Variants in ACSM3 observed in about 807,000 individuals in gnomAD.
ACSM3 encodes the protein acyl-CoA synthetase medium chain family member 3.
In ACSM3, 61 loss-of-function variants were observed where a neutral mutation model predicts 74.1. The ratio of observed to expected loss-of-function variants is 0.82; its 90% CI spans 0.67 to 1.02. The LOEUF is 1.02. Ranked by LOEUF, ACSM3 falls within the 50% of genes least tolerant of loss-of-function variation. The pLI, the probability that ACSM3 is intolerant of heterozygous loss-of-function variation, is 0.00. For synonymous variants in ACSM3, 213 were observed against 241.5 expected, an observed-to-expected ratio of 0.88 and a Z score of 1.09; for missense variants, 660 against 697.0, an observed-to-expected ratio of 0.95 and a Z score of 0.60.
chr16:20,747,334 T>C (rs2079962117), intron 1 of ACSM3, among the ~76,000 whole-genome samples: 1 of 152,218 alleles, frequency 6.6e-6, no homozygotes, highest in African/African-American at 2.4e-5. Flanking sequence ...CTGTACAGCA[T>C]GGCAAGGTCA....
At chr16:20,731,777 C>A (rs147674727) in intron 1 of ACSM3, 203 of 304,934 alleles carry the variant, frequency 6.7e-4, no homozygotes, top group African/African-American at 4.2e-3. Context: ...TGGATGTTAC[C>A]AAACTAAGAC....
intron 1 of ACSM3, chr16:20,681,067 A>G (rs1277132910): frequency 6.6e-6 from 1 of 152,228 alleles, no homozygotes; most frequent in East Asian, 1.9e-4. Flanking sequence ...GGCCTCCTGA[A>G]AGAATAATTA....
intron 1 of ACSM3, among the ~76,000 whole-genome samples, chr16:20,689,170 C>T (rs1434033098): frequency 6.6e-6 from 1 of 151,366 alleles, no homozygotes; most frequent in Non-Finnish European, 1.5e-5. Context: ...TCATTATTGG[C>T]CTTATAATGT....
rs1370077616 is a variant in ACSM3 at position 20,770,540 on chromosome 16, A to G, written c.219+287A>G. ...AATTCTAGGTTGACTTAAAAAAAAA[A>G]AAGGAGAAGAGTGAAAAGTAATTCC... On this transcript the variant is annotated intron_variant, in intron 2 of 13. Coordinates refer to ENST00000289416, the MANE Select transcript of ACSM3 (RefSeq NM_005622.4). 2.0e-5 allele frequency among the ~76,000 whole-genome samples: 3 copies of G among 152,192 alleles called. No homozygotes were observed. In the East Asian group the frequency reaches 5.8e-4, roughly 29 times the overall value.
At chr16:20,726,949 T>C (rs1274857640) in intron 1 of ACSM3, among the ~76,000 whole-genome samples, 3 of 152,314 alleles carry the variant, frequency 2.0e-5, no homozygotes, top group East Asian at 3.9e-4. Context: ...ATGTGTAAAG[T>C]AGGGGTTGAG....
intron 1 of ACSM3, chr16:20,685,053 T>C (rs1464066215): frequency 3.7e-6 from 3 of 811,600 alleles, no homozygotes; most frequent in Non-Finnish European, 6.0e-6. Flanking sequence ...AAGCCTTGCT[T>C]TGTGGTCCCA....
chr16:20,707,180 A>T (rs563707893), intron 1 of ACSM3, among the ~76,000 whole-genome samples: 1 of 152,296 alleles, frequency 6.6e-6, no homozygotes, highest in African/African-American at 2.4e-5. Flanking sequence ...TGCCAACCTC[A>T]GTCCCCATAG....
chr16:20,742,285 T>C (rs575847274), intron 1 of ACSM3, among the ~76,000 whole-genome samples: 1 of 152,278 alleles, frequency 6.6e-6, no homozygotes, highest in Non-Finnish European at 1.5e-5. Flanking sequence ...CAGAAACAAG[T>C]TGACCTTTAT....
At chr16:20,785,823 T>C (rs933759051) in intron 8 of ACSM3, among the ~76,000 whole-genome samples, 5 of 152,168 alleles carry the variant, frequency 3.3e-5, no homozygotes, top group African/African-American at 9.6e-5. Flanking sequence ...ATAACAAGTA[T>C]GCTAATATAA....
intron 1 of ACSM3, chr16:20,685,139 C>A: frequency 2.5e-6 from 4 of 1,585,738 alleles, no homozygotes; most frequent in Non-Finnish European, 3.5e-6. Flanking sequence ...ATCTCAGGAC[C>A]CATTGGTTCT....
rs35507753 is a variant in ACSM3, at chr16:20,693,169, CAA to C, written c.-190+18363_-190+18364del. 2.3e-3 allele frequency among the ~76,000 whole-genome samples: 263 copies of C among 114,490 alleles called. 1 individual carries two copies. Among genetic ancestry groups the C allele is most frequent in the African/African-American group, 7.3e-3 (221 of 30,300 alleles). 75.1% of individuals were successfully genotyped at this position (114,490 alleles called of 152,430 possible). ...TGGGCAACAGAGCAAAATTCCGTCTCAAAAAAAAAAAAAAAAATTCAGATCTT... is the reference window on the plus strand; with the variant it reads ...TGGGCAACAGAGCAAAATTCCGTCTCAAAAAAAAAAAAAAATTCAGATCTT... On this transcript the variant is annotated intron_variant, in intron 1 of 3. Coordinates refer to the ACSM3 transcript ENST00000561584.
intron 9 of ACSM3, among the ~76,000 whole-genome samples, chr16:20,788,387 A>T (rs753960252): frequency 6.6e-6 from 1 of 152,138 alleles, no homozygotes; most frequent in Non-Finnish European, 1.5e-5. Context: ...ACTGCAAGGT[A>T]CCCCCACCTG....
chr16:20,765,657 A>G (rs2080117827), intron 1 of ACSM3, among the ~76,000 whole-genome samples: 1 of 152,216 alleles, frequency 6.6e-6, no homozygotes, highest in Non-Finnish European at 1.5e-5. Context: ...GTTCACAGCT[A>G]TATTTTCAGC....
chr16:20,775,302 T>G (rs1010579189), intron 2 of ACSM3, among the ~76,000 whole-genome samples: 3 of 152,150 alleles, frequency 2.0e-5, no homozygotes, highest in Non-Finnish European at 4.4e-5. Context: ...TAGTATGAAC[T>G]TCCTCTCTGG....
chr16:20,763,610 A>G (rs2080095407), upstream of ACSM3: 1 of 152,260 alleles, frequency 6.6e-6, no homozygotes. Flanking sequence ...GAGTAACCTG[A>G]TAGCGTTTAT....
intron 1 of ACSM3, chr16:20,682,575 C>T: frequency 1.3e-6 from 1 of 762,776 alleles, no homozygotes; most frequent in Non-Finnish European, 2.2e-6. Flanking sequence ...AAAGTACAGG[C>T]CACAGAACAA....
In ACSM3 at chr16:20,796,392, T is replaced by C; in HGVS notation, c.1577T>C (p.Leu526Pro). The change falls in exon 13 of 14, where the codon CTA becomes CCA. Residue 526 changes from leucine to proline, a missense_variant. Transcript: ENST00000289416. ...RGEVVKAFVV[L>P]NPDYKSHDQE... ...TAGGTAGTAAAGGCTTTTGTCGTTCTAAATCCTGATTACAAGTCACATGAT... is the reference window on the plus strand; with the variant it reads ...TAGGTAGTAAAGGCTTTTGTCGTTCCAAATCCTGATTACAAGTCACATGAT... 7 of 1,612,380 alleles carry C rather than the reference T, an allele frequency of 4.3e-6. No individual in the cohort carries two copies. The highest frequency in any genetic ancestry group is 5.9e-6 in the Non-Finnish European group (7 of 1,179,652).
At chr16:20,722,082 A>T (rs910179604) in intron 1 of ACSM3, 1 of 152,270 alleles carries the variant, frequency 6.6e-6, no homozygotes, top group African/African-American at 2.4e-5. Context: ...CTGGATCCTC[A>T]TTCAATGTCA....
chr16:20,770,169 C>T lies in ACSM3; in HGVS notation c.135C>T (p.Ser45=). The change falls in exon 2 of 14, where the codon TCC becomes TCT. Residue 45 remains serine (S), a synonymous_variant. Coordinates refer to ENST00000289416, the MANE Select transcript of ACSM3 (RefSeq NM_005622.4). ...CTCAGAATTTCTCCAACTATGAATC[C>T]ATGAAACAGGACTTCAAACTGGGGA... ...ATPQNFSNYE[S]MKQDFKLGIP... is the part of the protein sequence containing the mutation. 1 of 1,614,094 alleles carries T rather than the reference C, an allele frequency of 6.2e-7. No individual in the cohort carries two copies. The highest frequency in any genetic ancestry group is 8.5e-7 in the Non-Finnish European group (1 of 1,180,010).
Sources: allele counts gnomAD v4.1 joint callset (sites outside exome capture counted in the v4.1 genomes callset), GRCh38; gene constraint gnomAD v4.1.1; transcripts MANE v1.5; gene names NCBI Gene and HGNC (gene_info 2026-07-23, HGNC 2026-07-21).